NTM: variants seen among roughly 807,000 people sequenced by gnomAD.
The protein encoded by NTM is neurotrimin, also known as IgLON family member 2.
NTM carries 13 observed loss-of-function variants against 42.1 expected under a neutral mutation model. The observed-to-expected ratio is 0.31, with a 90% CI of 0.20 to 0.49. The LOEUF (loss-of-function observed/expected upper bound fraction) is 0.49, where lower values mean the gene tolerates loss of function less well. Among genes scored for constraint, NTM ranks in the 20% least tolerant of loss-of-function variants. NTM has a pLI of 0.99. For synonymous variants in NTM, 187 were observed against 179.2 expected (o/e 1.04, Z -0.35); for missense variants, 373 against 452.8 (o/e 0.82, Z 1.60).
intron 1 of NTM, among the ~76,000 whole-genome samples, chr11:131,427,711 A>T (rs1207857575): frequency 6.6e-6 from 1 of 152,166 alleles, no homozygotes; most frequent in Admixed American, 6.5e-5. Flanking sequence ...ATCAACTTCC[A>T]TCAGGACATG....
chr11:131,577,535 T>G (rs893612449), intron 1 of NTM, among the ~76,000 whole-genome samples: 1 of 152,254 alleles, frequency 6.6e-6, no homozygotes, highest in Non-Finnish European at 1.5e-5. Context: ...AGTTTTCAAA[T>G]TGTATTTTGC....
chr11:131,639,276 TG>T (rs1219879276), intron 1 of NTM, among the ~76,000 whole-genome samples: 18 of 146,390 alleles, frequency 1.2e-4, no homozygotes. Flanking sequence ...ACTTTGGATC[TG>T]TTTTTTGTTT....
chr11:132,028,873 AGAACCTCCTAGGGCTCTT>A (rs760454047), intron 2 of NTM, among the ~76,000 whole-genome samples: 27 of 152,126 alleles, frequency 1.8e-4, no homozygotes, highest in African/African-American at 4.1e-4. Flanking sequence ...CCTTACTGTG[AGAACCTCCTAGGGCTCTT>A]GAACCTCCTA....
intron 1 of NTM, among the ~76,000 whole-genome samples, chr11:131,880,743 C>A (rs993822148): frequency 1.3e-5 from 2 of 152,140 alleles, no homozygotes; most frequent in Non-Finnish European, 1.5e-5. Context: ...GTTCAGGAAA[C>A]AAATTCCTCT....
chr11:131,980,889 C>T (rs750202082), intron 2 of NTM, among the ~76,000 whole-genome samples: 71 of 152,132 alleles, frequency 4.7e-4, no homozygotes, highest in Non-Finnish European at 9.0e-4. Flanking sequence ...CCTGGCTGTG[C>T]GATAGGGGTT....
intron 1 of NTM, among the ~76,000 whole-genome samples, chr11:131,469,143 A>T (rs4937626): frequency 1.3e-5 from 2 of 151,856 alleles, no homozygotes; most frequent in Non-Finnish European, 2.9e-5. Context: ...TTCCCCACCC[A>T]CAACCAGCGC....
chr11:131,520,055 T>C (rs1371782135), intron 1 of NTM, among the ~76,000 whole-genome samples: 1 of 152,114 alleles, frequency 6.6e-6, no homozygotes, highest in African/African-American at 2.4e-5. Context: ...TAGTTTTATT[T>C]CTGGGTTAGT....
intron 1 of NTM, among the ~76,000 whole-genome samples, chr11:131,547,736 C>T (rs1011299249): frequency 6.6e-6 from 1 of 152,052 alleles, no homozygotes; most frequent in Non-Finnish European, 1.5e-5. Flanking sequence ...TACTATACAC[C>T]CTCTCAAAGA....
intron 1 of NTM, among the ~76,000 whole-genome samples, chr11:131,720,340 A>T (rs1278540748): frequency 6.6e-6 from 1 of 152,224 alleles, no homozygotes; most frequent in Non-Finnish European, 1.5e-5. Flanking sequence ...ATTTGTGATT[A>T]TGCTGCCTAG....
intron 4 of NTM, among the ~76,000 whole-genome samples, chr11:132,273,931 C>A (rs79426878): frequency 0.014 from 2,119 of 151,822 alleles, 23 homozygotes; most frequent in Non-Finnish European, 0.023. Context: ...ACAACAACAA[C>A]AAAAAACACA....
intron 1 of NTM, among the ~76,000 whole-genome samples, chr11:131,387,260 C>T (rs965097414): frequency 3.9e-5 from 6 of 152,118 alleles, no homozygotes; most frequent in Non-Finnish European, 5.9e-5. Flanking sequence ...GTGACTGGAC[C>T]TCCCTATCAA....
chr11:131,863,548 A>G (rs957295069), intron 1 of NTM, among the ~76,000 whole-genome samples: 5 of 152,218 alleles, frequency 3.3e-5, no homozygotes, highest in Admixed American at 6.5e-5. Context: ...CTGCAGAAAT[A>G]TAGTCGAATG....
At chr11:132,195,732 G>A (rs1184811850) in intron 3 of NTM, among the ~76,000 whole-genome samples, 1 of 152,168 alleles carries the variant, frequency 6.6e-6, no homozygotes, top group East Asian at 1.9e-4. Flanking sequence ...AATAGATGGT[G>A]CAAGATAACT....
chr11:131,574,817 G>A (rs2057777151), intron 1 of NTM, among the ~76,000 whole-genome samples: 3 of 152,048 alleles, frequency 2.0e-5, no homozygotes, highest in African/African-American at 7.2e-5. Flanking sequence ...AAGTCCCTTG[G>A]CATCGACGGG....
intron 1 of NTM, among the ~76,000 whole-genome samples, chr11:131,479,462 T>C (rs1377784335): frequency 6.6e-6 from 1 of 151,938 alleles, no homozygotes; most frequent in African/African-American, 2.4e-5. Context: ...GAAGAAGGAA[T>C]GGTGAGAAAG....
chr11:132,330,217 G>T (rs1385591390), intron 8 of NTM, 32 bp downstream of exon 8: 6 of 1,542,874 alleles, frequency 3.9e-6, no homozygotes, highest in Non-Finnish European at 5.3e-6. Flanking sequence ...CTGCTGCCTT[G>T]GTGGGTGTGG....
At chr11:131,880,709 C>T (rs1418061825) in intron 1 of NTM, among the ~76,000 whole-genome samples, 6 of 152,148 alleles carry the variant, frequency 3.9e-5, no homozygotes, top group Admixed American at 6.5e-5. Flanking sequence ...CATTTGCCTC[C>T]GGCGTTCAAT....
At chr11:131,933,117 C>G (rs984910013) in intron 2 of NTM, among the ~76,000 whole-genome samples, 22 of 152,216 alleles carry the variant, frequency 1.4e-4, no homozygotes, top group Non-Finnish European at 5.9e-5. Context: ...GGACAGCTGT[C>G]AACGTGCCTG....
chr11:131,741,991 G>A (rs1346070545), intron 1 of NTM, among the ~76,000 whole-genome samples: 2 of 152,150 alleles, frequency 1.3e-5, no homozygotes, highest in Admixed American at 6.6e-5. Flanking sequence ...ACCAAATACC[G>A]CATGTTTTCA....
Sources: allele counts gnomAD v4.1 joint callset (sites outside exome capture counted in the v4.1 genomes callset), GRCh38; gene constraint gnomAD v4.1.1; transcripts MANE v1.5; gene names NCBI Gene and HGNC (gene_info 2026-07-23, HGNC 2026-07-21).